APP: variants seen among roughly 807,000 people sequenced by gnomAD.
The protein encoded by APP is amyloid-beta precursor protein.
A neutral mutation model predicts 101.4 loss-of-function variants in APP; 31 were observed. The observed-to-expected ratio is 0.31, with a 90% CI of 0.23 to 0.41. APP has a LOEUF of 0.41. Among genes scored for constraint, APP ranks in the 10% least tolerant of loss-of-function variants. The pLI, the probability that APP is intolerant of heterozygous loss-of-function variation, is 1.00. For synonymous variants in APP, 366 were observed against 364.4 expected, an observed-to-expected ratio of 1.00 and a Z score of -0.05; for missense variants, 839 against 1,003.7, an observed-to-expected ratio of 0.84 and a Z score of 2.22.
chr21:26,021,801 C>A, intron 6 of APP, 39 bp downstream of exon 6: 1 of 1,607,410 alleles, frequency 6.2e-7, no homozygotes, highest in Non-Finnish European at 8.5e-7. Context: ...GCTTTCTTTT[C>A]CTTGGGGGTG....
At chr21:26,089,501 C>T (rs536853087) in intron 3 of APP, 1 of 119,614 alleles carries the variant, frequency 8.4e-6, no homozygotes, top group African/African-American at 3.0e-5. Context: ...TGTAGAACAG[C>T]CTTTTTTTTT....
chr21:25,908,236 A>C (rs761584481), intron 14 of APP, among the ~76,000 whole-genome samples: 59 of 152,238 alleles, frequency 3.9e-4, no homozygotes, highest in Non-Finnish European at 7.8e-4. Context: ...GGTTTTGTGG[A>C]TGTGAAAACC....
At chr21:26,046,957 TAAC>T (rs2045636107) in intron 5 of APP, among the ~76,000 whole-genome samples, 1 of 152,200 alleles carries the variant, frequency 6.6e-6, no homozygotes, top group Non-Finnish European at 1.5e-5. Flanking sequence ...TTATTATTAT[TAAC>T]ATTATGCTAC....
At chr21:26,057,129 CAA>C (rs1312185678) in intron 3 of APP, among the ~76,000 whole-genome samples, 5 of 152,140 alleles carry the variant, frequency 3.3e-5, no homozygotes, top group African/African-American at 1.2e-4. Context: ...TTTTTAAAAA[CAA>C]AGTTTATTAA....
At chr21:26,041,263 G>T (rs1371723887) in intron 5 of APP, among the ~76,000 whole-genome samples, 1 of 152,044 alleles carries the variant, frequency 6.6e-6, no homozygotes. Context: ...CTAATTAAAG[G>T]GTTATTTTTC....
chr21:26,002,631 G>A (rs1260977846), intron 6 of APP, among the ~76,000 whole-genome samples: 3 of 152,208 alleles, frequency 2.0e-5, no homozygotes, highest in Admixed American at 6.5e-5. Context: ...GCACTGTGCC[G>A]GGAATTGGCA....
intron 13 of APP, among the ~76,000 whole-genome samples, chr21:25,925,168 A>G (rs563274300): frequency 2.9e-3 from 1 of 348 alleles, no homozygotes; most frequent in Non-Finnish European, 4.9e-3. Context: ...CCCACTGTAA[A>G]TCAAGCGGTC....
intron 17 of APP, among the ~76,000 whole-genome samples, chr21:25,884,624 C>T (rs971392560): frequency 1.3e-5 from 2 of 152,146 alleles, no homozygotes; most frequent in African/African-American, 4.8e-5. Context: ...TGCAGCAGTA[C>T]GCCATTTGAA....
Position 26,022,471 on chromosome 21 carries a change from A to G in APP, c.663-429T>C, listed in dbSNP as rs111336477. 1.4e-4 allele frequency among the ~76,000 whole-genome samples: 22 copies of G among 152,274 alleles called. 1 individual carries two copies. The highest frequency in any genetic ancestry group is 5.3e-4 in the African/African-American group (22 of 41,570). On this transcript the variant is annotated intron_variant, in intron 5 of 17. Coordinates refer to ENST00000346798, the MANE Select transcript of APP (RefSeq NM_000484.4). Reference sequence around the variant, plus strand: ...AAACCAAGAGACTATACTACACAAAAAGTCGCCTCTCATGTTAAAACAGGA... The same window carrying G: ...AAACCAAGAGACTATACTACACAAAGAGTCGCCTCTCATGTTAAAACAGGA...
chr21:26,119,036 T>C (rs980835860), intron 1 of APP, among the ~76,000 whole-genome samples: 1 of 152,214 alleles, frequency 6.6e-6, no homozygotes, highest in African/African-American at 2.4e-5. Context: ...TACTAAGGCC[T>C]TTGCTCATTA....
intron 11 of APP, among the ~76,000 whole-genome samples, chr21:25,965,176 G>C (rs2041744766): frequency 6.6e-6 from 1 of 152,212 alleles, no homozygotes; most frequent in Non-Finnish European, 1.5e-5. Context: ...TAGTCAAACA[G>C]TGAAACATGT....
Position 25,912,310 on chromosome 21 carries a change from G to A in APP, c.1688-348C>T, listed in dbSNP as rs533347984. On this transcript the variant is annotated intron_variant, in intron 13 of 17. Transcript: ENST00000346798. ...CTCCTGACACAGTTAGACGTCCCTA[G>A]TATACAATGATCGCACAGGAATAAA... Among the ~76,000 whole-genome samples the A allele has an allele frequency of 1.1e-4, 16 of 152,296 alleles. No individual in the cohort carries two copies. The South Asian group carries it at 2.9e-3, about 28-fold the overall frequency.
intron 1 of APP, chr21:26,169,558 C>T (rs1378362520): frequency 1.3e-5 from 2 of 152,520 alleles, no homozygotes; most frequent in African/African-American, 4.8e-5. Flanking sequence ...CTTTACAGCC[C>T]AGCACAGAAT....
intron 5 of APP, among the ~76,000 whole-genome samples, chr21:26,044,879 C>T (rs183548425): frequency 6.6e-6 from 1 of 152,286 alleles, no homozygotes; most frequent in East Asian, 1.9e-4. Flanking sequence ...ATATGGTATT[C>T]TCATCCACTT....
intron 14 of APP, among the ~76,000 whole-genome samples, chr21:25,905,359 G>A (rs1465699390): frequency 2.0e-5 from 3 of 152,148 alleles, no homozygotes. Flanking sequence ...AAGAGGGGTG[G>A]GGAGGGTGGA....
chr21:26,087,356 C>G (rs542116006), intron 3 of APP, among the ~76,000 whole-genome samples: 9 of 152,338 alleles, frequency 5.9e-5, no homozygotes, highest in African/African-American at 2.2e-4. Context: ...AATGATTCAA[C>G]ACGCCAAGTA....
At chr21:25,906,995 C>T (rs2038826471) in intron 14 of APP, among the ~76,000 whole-genome samples, 1 of 152,210 alleles carries the variant, frequency 6.6e-6, no homozygotes, top group South Asian at 2.1e-4. Flanking sequence ...CTTACTTTCT[C>T]TGTGATCTGG....
At chr21:26,026,719 C>G (rs934544887) in intron 5 of APP, among the ~76,000 whole-genome samples, 2 of 152,200 alleles carry the variant, frequency 1.3e-5, no homozygotes, top group African/African-American at 4.8e-5. Context: ...ACAGGAGGAA[C>G]ACAGAGGATT....
chr21:25,894,537 T>G (rs189938187), intron 16 of APP, among the ~76,000 whole-genome samples: 5 of 152,112 alleles, frequency 3.3e-5, no homozygotes, highest in Non-Finnish European at 7.4e-5. Context: ...AGTTCAAGAC[T>G]TCAGTAAAGG....
Sources: gnomAD v4.1 joint callset for allele counts (sites outside exome capture counted in the v4.1 genomes callset) on GRCh38, gnomAD v4.1.1 for gene constraint, MANE v1.5 for transcripts, NCBI Gene and HGNC (gene_info 2026-07-23, HGNC 2026-07-21) for gene names.